The following SRBD1 variants were observed in gnomAD, a reference collection of about 807,000 sequenced individuals.
The protein encoded by SRBD1 is S1 RNA-binding domain-containing protein 1.
SRBD1 carries 88 observed loss-of-function variants against 115.3 expected under a neutral mutation model. The ratio of observed to expected loss-of-function variants is 0.76; its 90% CI spans 0.64 to 0.91. The LOEUF is 0.91. Ranked by LOEUF, SRBD1 falls within the 40% of genes least tolerant of loss-of-function variation. SRBD1 has a pLI of 0.00. For synonymous variants in SRBD1, 509 were observed against 407.7 expected (o/e 1.25, Z -2.99); for missense variants, 1,385 against 1,177.4 (o/e 1.18, Z -2.58).
intron 14 of SRBD1, 73 bp from the exon 15 acceptor site, chr2:45,488,404 C>A: frequency 1.6e-6 from 2 of 1,278,572 alleles, no homozygotes; most frequent in Non-Finnish European, 2.2e-6. Context: ...ATGAATGAAA[C>A]CAGGCATTAC....
At chr2:45,438,320 C>CACA (rs1174060688) in intron 16 of SRBD1, among the ~76,000 whole-genome samples, 50 of 152,102 alleles carry the variant, frequency 3.3e-4, no homozygotes, top group Admixed American at 3.3e-3. Context: ...ACAGAGCATC[C>CACA]ACAATATCCA....
At chr2:45,457,933 T>A (rs780178987) in intron 16 of SRBD1, among the ~76,000 whole-genome samples, 17 of 152,082 alleles carry the variant, frequency 1.1e-4, no homozygotes, top group Non-Finnish European at 1.8e-4. Flanking sequence ...TTTCAAAATT[T>A]GACTTTTTAC....
At chr2:45,478,374 C>T (rs112927848) in intron 15 of SRBD1, among the ~76,000 whole-genome samples, 5 of 152,300 alleles carry the variant, frequency 3.3e-5, no homozygotes, top group African/African-American at 1.2e-4. Flanking sequence ...CTACTGTGAA[C>T]ATCAAGTTCA....
At chr2:45,572,592 G>C (rs145745564) in intron 9 of SRBD1, among the ~76,000 whole-genome samples, 1 of 152,014 alleles carries the variant, frequency 6.6e-6, no homozygotes, top group Non-Finnish European at 1.5e-5. Flanking sequence ...AAGGGCACTA[G>C]ATAGTAACTT....
intron 1 of SRBD1, 36 bp downstream of exon 1, chr2:45,611,183 C>T (rs1181208463): frequency 6.6e-6 from 1 of 152,246 alleles, no homozygotes; most frequent in Non-Finnish European, 1.5e-5. Flanking sequence ...TCTTGAGAAC[C>T]CGCAAGACGA....
At chr2:45,520,032 C>A (rs1029229271) in intron 14 of SRBD1, among the ~76,000 whole-genome samples, 2 of 152,024 alleles carry the variant, frequency 1.3e-5, no homozygotes, top group South Asian at 2.1e-4. Context: ...AGTTCTTTAT[C>A]CTTAGAAAAA....
intron 1 of SRBD1, among the ~76,000 whole-genome samples, chr2:45,610,820 C>T (rs544782187): frequency 9.6e-4 from 145 of 151,612 alleles, no homozygotes; most frequent in African/African-American, 3.3e-3. Flanking sequence ...CCCAGCTACT[C>T]GGGAGGCTGA....
rs771325356 is a variant in SRBD1, at chr2:45,581,704, G to A, written c.922C>T (p.Leu308=). The A allele has an allele frequency of 6.2e-7, 1 of 1,612,220 alleles. No individual in the cohort carries two copies. Among genetic ancestry groups the A allele is most frequent in the Non-Finnish European group, 8.5e-7 (1 of 1,179,254 alleles). ...AAAGGATTCCTTACCACGTGTTCTA[G>A]TTCTTCAAAAGTTTTACAATTCAGC... ...AMLNCKTFEE[L]EHVSAPYKTG... Residue 308 remains leucine, a synonymous_variant, in exon 6 of 21, where the codon CTA becomes TTA. Coordinates refer to ENST00000263736, the MANE Select transcript of SRBD1 (RefSeq NM_018079.5).
intron 16 of SRBD1, among the ~76,000 whole-genome samples, chr2:45,451,995 T>C (rs2103745104): frequency 6.6e-6 from 1 of 152,120 alleles, no homozygotes; most frequent in South Asian, 2.1e-4. Context: ...AATTTTTATT[T>C]GCTTGAAGAC....
chr2:45,455,433 G>T (rs1669123402), intron 16 of SRBD1, among the ~76,000 whole-genome samples: 1 of 151,824 alleles, frequency 6.6e-6, no homozygotes, highest in South Asian at 2.1e-4. Context: ...AATTATTTTT[G>T]AAAGACTGCT....
At chr2:45,541,399 G>A (rs1240581497) in intron 14 of SRBD1, among the ~76,000 whole-genome samples, 2 of 152,258 alleles carry the variant, frequency 1.3e-5, no homozygotes, top group Non-Finnish European at 2.9e-5. Context: ...ATGGCAGGCA[G>A]GAGGGCATGT....
Position 45,559,162 on chromosome 2 carries a change from G to A in SRBD1, c.1409+3491C>T, listed in dbSNP as rs17033873. On this transcript the variant is annotated intron_variant, in intron 10 of 20. Coordinates refer to ENST00000263736, the MANE Select transcript of SRBD1 (RefSeq NM_018079.5). Reference sequence around the variant, plus strand: ...AGTCTAAGCTACCATAATCTCTTGTGCCATATCTACTCTTGATTCCTTCCA... The same window carrying A: ...AGTCTAAGCTACCATAATCTCTTGTACCATATCTACTCTTGATTCCTTCCA... Among the ~76,000 whole-genome samples, 4 of 152,080 alleles carry A rather than the reference G, an allele frequency of 2.6e-5. No homozygotes were observed. The South Asian group carries it at 6.2e-4, about 24-fold the overall frequency.
intron 16 of SRBD1, among the ~76,000 whole-genome samples, chr2:45,455,620 T>TTCCCTGTCACCCCCCTTCTGATAGGG (rs1669127907): frequency 6.6e-6 from 1 of 151,814 alleles, no homozygotes; most frequent in Non-Finnish European, 1.5e-5. Flanking sequence ...GGAAGGGGAC[T>TTCCCTGTCACCCCCCTTCTGATAGGG]TCCCTGTCAC....
At chr2:45,610,301 A>G (rs1674405340) in intron 1 of SRBD1, among the ~76,000 whole-genome samples, 1 of 152,270 alleles carries the variant, frequency 6.6e-6, no homozygotes, top group Non-Finnish European at 1.5e-5. Context: ...AAATTCAAGA[A>G]GGCAAACAAA....
At chr2:45,423,946 T>A (rs1668079808) in intron 16 of SRBD1, among the ~76,000 whole-genome samples, 2 of 152,170 alleles carry the variant, frequency 1.3e-5, no homozygotes, top group Admixed American at 6.5e-5. Context: ...AATTTTAACT[T>A]TGAAATAATT....
chr2:45,452,611 A>G (rs1669028751), intron 16 of SRBD1, among the ~76,000 whole-genome samples: 1 of 152,068 alleles, frequency 6.6e-6, no homozygotes, highest in Non-Finnish European at 1.5e-5. Context: ...GTGTTTCTAA[A>G]TATAAGATAG....
At chr2:45,549,865 T>A (rs1354650388) in intron 12 of SRBD1, among the ~76,000 whole-genome samples, 1 of 151,710 alleles carries the variant, frequency 6.6e-6, no homozygotes, top group Non-Finnish European at 1.5e-5. Context: ...CCTGACTCAG[T>A]AAAAGTTAAA....
intron 16 of SRBD1, among the ~76,000 whole-genome samples, chr2:45,473,431 C>A (rs1293818427): frequency 6.6e-6 from 1 of 152,086 alleles, no homozygotes; most frequent in Non-Finnish European, 1.5e-5. Context: ...GTACATGTTT[C>A]CCATGTTATG....
chr2:45,417,130 G>A (rs1667857723), intron 18 of SRBD1, among the ~76,000 whole-genome samples: 1 of 152,060 alleles, frequency 6.6e-6, no homozygotes, highest in African/African-American at 2.4e-5. Context: ...GTGACTTCTA[G>A]GTTTCATGAT....
Sources: allele counts gnomAD v4.1 joint callset (sites outside exome capture counted in the v4.1 genomes callset), GRCh38; gene constraint gnomAD v4.1.1; transcripts MANE v1.5; gene names NCBI Gene and HGNC (gene_info 2026-07-23, HGNC 2026-07-21).